Variants in NT5C1B observed in about 807,000 individuals in gnomAD.
NT5C1B encodes cytosolic 5'-nucleotidase 1B.
A neutral mutation model predicts 57.8 loss-of-function variants in NT5C1B; 44 were observed. The observed-to-expected ratio is 0.76, with a 90% CI of 0.60 to 0.98. The LOEUF (loss-of-function observed/expected upper bound fraction) is 0.98. Among genes scored for constraint, NT5C1B ranks in the 50% least tolerant of loss-of-function variants. The pLI is 0.00. For synonymous variants in NT5C1B, 284 were observed against 282.6 expected (o/e 1.00, Z -0.05); for missense variants, 742 against 719.5 (o/e 1.03, Z -0.36).
At chr2:18,585,836 T>G (rs1339623916) in intron 3 of NT5C1B, among the ~76,000 whole-genome samples, 1 of 149,962 alleles carries the variant, frequency 6.7e-6, no homozygotes, top group Non-Finnish European at 1.5e-5. Context: ...CAAAACTAAC[T>G]TTTTTTTTTA....
intron 8 of NT5C1B, among the ~76,000 whole-genome samples, chr2:18,568,038 A>G (rs1558367971): frequency 6.6e-6 from 1 of 152,000 alleles, no homozygotes; most frequent in Non-Finnish European, 1.5e-5. Flanking sequence ...GAAAAGAGAA[A>G]GAGAAAAAAA....
At chr2:18,586,153 GTAAAGCACA>G (rs1481896167) in intron 3 of NT5C1B, 92 bp downstream of exon 3, 48 of 1,510,698 alleles carry the variant, frequency 3.2e-5, no homozygotes, top group Non-Finnish European at 3.9e-5. Flanking sequence ...GCTAACACAT[GTAAAGCACA>G]TAAACAGGGC....
intron 6 of NT5C1B, among the ~76,000 whole-genome samples, chr2:18,577,228 T>A (rs17752103): frequency 0.051 from 7,729 of 152,036 alleles, 316 homozygotes; most frequent in Admixed American, 0.11. Context: ...AAGTTAGACA[T>A]AAAGACTTAT....
At chr2:18,564,204 A>G in intron 8 of NT5C1B, 85 bp from the exon 9 acceptor site, 1 of 1,434,148 alleles carries the variant, frequency 7.0e-7, no homozygotes, top group Non-Finnish European at 9.2e-7. Context: ...ATGATACGAT[A>G]CAATACAAAG....
chr2:18,583,352 GT>G (rs908631265), intron 5 of NT5C1B: 13 of 178,086 alleles, frequency 7.3e-5, no homozygotes, highest in South Asian at 1.3e-4. Context: ...TCTAATGATT[GT>G]TTTTTTTATT....
chr2:18,580,359 A>G (rs1440882525), intron 6 of NT5C1B, among the ~76,000 whole-genome samples: 1 of 152,222 alleles, frequency 6.6e-6, no homozygotes, highest in Non-Finnish European at 1.5e-5. Flanking sequence ...CACGCCTGTA[A>G]TCCCAGCAGT....
intron 2 of NT5C1B, chr2:18,586,797 G>T: frequency 1.1e-6 from 1 of 909,864 alleles, no homozygotes; most frequent in Non-Finnish European, 1.6e-6. Context: ...GGCAACTGGT[G>T]CCCCACTGAG....
At chr2:18,576,254 A>C (rs747602988) in exon 8 of NT5C1B, 1 of 1,613,676 alleles carries the variant, frequency 6.2e-7, no homozygotes, top group African/African-American at 1.3e-5. Flanking sequence ...CTCCTTGGTA[A>C]AATGTTCAGA....
chr2:18,585,910 T>C (rs575614989), intron 3 of NT5C1B, among the ~76,000 whole-genome samples: 1 of 152,296 alleles, frequency 6.6e-6, no homozygotes, highest in South Asian at 2.1e-4. Context: ...ACTCTTTTTC[T>C]CTGGTGGTGA....
At chr2:18,564,197 A>G in intron 8 of NT5C1B, 78 bp from the exon 9 acceptor site, 1 of 1,446,022 alleles carries the variant, frequency 6.9e-7, no homozygotes, top group Non-Finnish European at 9.2e-7. Context: ...GACCTATATG[A>G]TACGATACAA....
At chr2:18,583,330 T>C (rs963937946) in intron 5 of NT5C1B, 2 of 185,798 alleles carry the variant, frequency 1.1e-5, no homozygotes, top group African/African-American at 4.7e-5. Flanking sequence ...TAAAATCTGC[T>C]TTTATCGATC....
At chr2:18,574,627 C>G (rs1234185305) in intron 8 of NT5C1B, among the ~76,000 whole-genome samples, 1 of 152,030 alleles carries the variant, frequency 6.6e-6, no homozygotes, top group Non-Finnish European at 1.5e-5. Flanking sequence ...TGGGATAAGA[C>G]ACAACATAAT....
intron 2 of NT5C1B, 137 bp downstream of exon 2, chr2:18,587,366 T>A: frequency 1.3e-6 from 2 of 1,491,546 alleles, no homozygotes; most frequent in Non-Finnish European, 1.8e-6. Context: ...CTTAACCTTC[T>A]CATGAGGACA....
exon 9 of NT5C1B, chr2:18,563,982 C>T: frequency 1.2e-6 from 2 of 1,614,192 alleles, no homozygotes; most frequent in Middle Eastern, 1.7e-4. Context: ...GAAGGGTCTT[C>T]AGCACACGGG....
intron 2 of NT5C1B, chr2:18,586,699 T>C: frequency 1.8e-6 from 1 of 570,990 alleles, no homozygotes; most frequent in Non-Finnish European, 3.0e-6. Context: ...TGTTCCTCCC[T>C]TTTCCTCACT....
In NT5C1B at chr2:18,564,112, AG is replaced by A; in HGVS notation, c.1336del (p.Leu446Ter). 1 of 1,567,116 alleles carries A rather than the reference AG, an allele frequency of 6.4e-7. No homozygotes were observed. Among genetic ancestry groups the A allele is most frequent in the South Asian group, 1.2e-5 (1 of 85,438 alleles). On this transcript the variant is annotated frameshift_variant, in exon 9 of 9. Transcript: ENST00000304081. LOFTEE classifies it high-confidence loss of function. ...GCCTAAATCTTCCAGAAAGCCTTTT[AG>A]GGGACCCTGTAAAAGGAACATATAT... is the stretch of plus-strand genomic sequence containing the variant.
exon 8 of NT5C1B, chr2:18,576,203 T>G: frequency 6.2e-7 from 1 of 1,612,154 alleles, no homozygotes; most frequent in South Asian, 1.1e-5. Context: ...AGGCTTACTT[T>G]CACATAATGT....
intron 8 of NT5C1B, among the ~76,000 whole-genome samples, chr2:18,571,053 G>A (rs150449864): frequency 5.3e-4 from 81 of 152,218 alleles, no homozygotes; most frequent in Non-Finnish European, 4.4e-5. Flanking sequence ...CTGACAAAAG[G>A]CATCTAGAAA....
chr2:18,564,156 G>T, intron 8 of NT5C1B, 37 bp from the exon 9 acceptor site: 1 of 1,507,106 alleles, frequency 6.6e-7, no homozygotes, highest in South Asian at 1.4e-5. Flanking sequence ...GTGATACAGT[G>T]AGCCAAAGAA....
Sources: gnomAD v4.1 joint callset for allele counts (sites outside exome capture counted in the v4.1 genomes callset) on GRCh38, gnomAD v4.1.1 for gene constraint, MANE v1.5 for transcripts, NCBI Gene and HGNC (gene_info 2026-07-23, HGNC 2026-07-21) for gene names.